The following SETD3 variants were observed in gnomAD, a reference collection of about 807,000 sequenced individuals.
SETD3 encodes the protein actin-histidine N-methyltransferase.
In SETD3, 19 loss-of-function variants were observed where a neutral mutation model predicts 63.0. That is an observed-to-expected ratio of 0.30 (90% CI 0.21 to 0.44). The LOEUF is 0.44. Among genes scored for constraint, SETD3 ranks in the 20% least tolerant of loss-of-function variants. The pLI, the probability that SETD3 is intolerant of heterozygous loss-of-function variation, is 1.00. For synonymous variants in SETD3, 286 were observed against 264.1 expected (o/e 1.08, Z -0.80); for missense variants, 587 against 728.5 (o/e 0.81, Z 2.24).
intron 6 of SETD3, among the ~76,000 whole-genome samples, chr14:99,431,949 A>C (rs1227236194): frequency 9.2e-5 from 14 of 152,174 alleles, no homozygotes. Context: ...AATCTGCTCA[A>C]CATGGTCATG....
At chr14:99,403,451 A>ACTCTCTCT (rs1316443573) in intron 11 of SETD3, among the ~76,000 whole-genome samples, 312 of 106,986 alleles carry the variant, frequency 2.9e-3, no homozygotes, top group Middle Eastern at 0.021. Context: ...ACACACACAC[A>ACTCTCTCT]CACACTCTCT....
intron 6 of SETD3, among the ~76,000 whole-genome samples, chr14:99,436,492 C>T (rs1332699151): frequency 2.6e-5 from 4 of 152,126 alleles, no homozygotes; most frequent in Non-Finnish European, 5.9e-5. Context: ...CACTAGTACT[C>T]CCCAGACATG....
At chr14:99,464,060 C>CA (rs1895229826) in intron 2 of SETD3, among the ~76,000 whole-genome samples, 1 of 152,162 alleles carries the variant, frequency 6.6e-6, no homozygotes. Context: ...GACATAAGGA[C>CA]AATTAGTCGA....
intron 8 of SETD3, chr14:99,412,010 A>T (rs1355005550): frequency 6.6e-6 from 1 of 152,262 alleles, no homozygotes; most frequent in African/African-American, 2.4e-5. Flanking sequence ...ATTCAATGTG[A>T]AATAATCATT....
intron 8 of SETD3, among the ~76,000 whole-genome samples, chr14:99,408,170 G>T (rs1435050748): frequency 2.0e-5 from 3 of 152,188 alleles, no homozygotes; most frequent in Non-Finnish European, 4.4e-5. Context: ...GGAAGGCCAT[G>T]TAACACTAAT....
intron 10 of SETD3, among the ~76,000 whole-genome samples, 195 bp from the exon 11 acceptor site, chr14:99,404,505 A>T (rs566713379): frequency 3.9e-5 from 6 of 152,232 alleles, no homozygotes; most frequent in Non-Finnish European, 8.8e-5. Flanking sequence ...GGGCGGAGGC[A>T]AGCGGACATC....
intron 1 of SETD3, among the ~76,000 whole-genome samples, chr14:99,477,679 C>T (rs1896041953): frequency 7.0e-6 from 1 of 142,868 alleles, no homozygotes; most frequent in South Asian, 2.2e-4. Context: ...ACCCAGGAAG[C>T]AGAGGTTGCG....
chr14:99,437,331 C>A (rs997090354), intron 6 of SETD3, among the ~76,000 whole-genome samples: 10 of 152,324 alleles, frequency 6.6e-5, no homozygotes, highest in African/African-American at 2.4e-4. Flanking sequence ...CTACCCTCCA[C>A]CAGGAAAACT....
At chr14:99,469,457 G>A (rs762623361) in intron 1 of SETD3, among the ~76,000 whole-genome samples, 1 of 152,236 alleles carries the variant, frequency 6.6e-6, no homozygotes, top group Non-Finnish European at 1.5e-5. Context: ...AATACAAACT[G>A]CATAGGCTGG....
intron 7 of SETD3, chr14:99,413,299 C>A: frequency 4.2e-6 from 2 of 476,552 alleles, no homozygotes; most frequent in Non-Finnish European, 3.7e-6. Flanking sequence ...AGAAGCAGAG[C>A]CAGAAGGACG....
intron 6 of SETD3, among the ~76,000 whole-genome samples, chr14:99,426,622 G>A (rs1892897422): frequency 6.6e-6 from 1 of 152,172 alleles, no homozygotes; most frequent in African/African-American, 2.4e-5. Flanking sequence ...ATTCACCATT[G>A]CCACTTCCTA....
intron 6 of SETD3, among the ~76,000 whole-genome samples, chr14:99,421,881 T>A (rs1595174808): frequency 6.6e-6 from 1 of 152,294 alleles, no homozygotes; most frequent in East Asian, 1.9e-4. Flanking sequence ...TGTCCTACTT[T>A]TATAAATAGT....
At chr14:99,427,265 G>A (rs1595184122) in intron 6 of SETD3, among the ~76,000 whole-genome samples, 1 of 152,198 alleles carries the variant, frequency 6.6e-6, no homozygotes, top group East Asian at 1.9e-4. Context: ...ACTGGAAGAT[G>A]CCCACTGACT....
At chr14:99,459,233 C>T in intron 4 of SETD3, 48 bp from the exon 5 acceptor site, 1 of 1,339,290 alleles carries the variant, frequency 7.5e-7, no homozygotes, top group Non-Finnish European at 1.1e-6. Flanking sequence ...ACGGTACAGT[C>T]TTCAATCCAA....
At chr14:99,441,511 C>T (rs1893809168) in intron 6 of SETD3, among the ~76,000 whole-genome samples, 1 of 152,256 alleles carries the variant, frequency 6.6e-6, no homozygotes, top group South Asian at 2.1e-4. Flanking sequence ...AAAGCAATCA[C>T]AGGCAGCGAC....
intron 6 of SETD3, among the ~76,000 whole-genome samples, chr14:99,432,062 C>T (rs1438666029): frequency 2.0e-5 from 3 of 152,168 alleles, no homozygotes; most frequent in Non-Finnish European, 4.4e-5. Context: ...GCTTCCCCTC[C>T]TCTGACCACC....
At chr14:99,466,624 G>T (rs1387607220) in intron 1 of SETD3, among the ~76,000 whole-genome samples, 1 of 151,916 alleles carries the variant, frequency 6.6e-6, no homozygotes, top group Admixed American at 6.5e-5. Context: ...ATGGCGGGGG[G>T]GGGGGGGGGC....
At chr14:99,457,710 A>C (rs1381951433) in intron 6 of SETD3, among the ~76,000 whole-genome samples, 1 of 152,236 alleles carries the variant, frequency 6.6e-6, no homozygotes, top group Non-Finnish European at 1.5e-5. Context: ...TTCAACTGCA[A>C]ATGAAAGATA....
In SETD3 at chr14:99,461,332, C is replaced by T. The variant is rs139334041; in HGVS notation, c.205G>A (p.Val69Ile). ...TCTTCTCTTTTTCCATCAAAAGTAA[C>T]GGACAGACCTATATTAATCCACGTT... ...KIRKKQKGLSVTFDGKREDYF... is the reference protein window; with the variant it reads ...KIRKKQKGLSITFDGKREDYF... The change falls in exon 4 of 13, where the codon GTT becomes ATT. Residue 69 changes from valine (V) to isoleucine (I), a missense_variant. Transcript: ENST00000331768. 3.8e-5 allele frequency: 61 copies of T among 1,613,616 alleles called. 2 individuals are homozygous for T. Among genetic ancestry groups the T allele is most frequent in the South Asian group, 1.2e-4 (11 of 91,044 alleles).
Sources: gnomAD v4.1 joint callset for allele counts (sites outside exome capture counted in the v4.1 genomes callset) on GRCh38, gnomAD v4.1.1 for gene constraint, MANE v1.5 for transcripts, NCBI Gene and HGNC (gene_info 2026-07-23, HGNC 2026-07-21) for gene names.